The following RAD51B variants were observed in gnomAD, a reference collection of about 807,000 sequenced individuals.
RAD51B encodes the protein RAD51 paralog B, also known as DNA repair protein RAD51 homolog 2.
Under a neutral mutation model 42.2 loss-of-function variants are expected in RAD51B, and 38 were observed. The observed-to-expected ratio is 0.90, with a 90% CI of 0.70 to 1.18. RAD51B has a LOEUF of 1.18. Ranked by LOEUF, RAD51B falls within the 50% of genes most tolerant of loss-of-function variation. RAD51B has a pLI of 0.00. For missense variants in RAD51B, 373 were observed against 400.7 expected (o/e 0.93, Z 0.59); for synonymous variants, 154 against 145.2 (o/e 1.06, Z -0.43).
At chr14:68,008,943 C>T (rs555600866) in intron 7 of RAD51B, among the ~76,000 whole-genome samples, 14 of 151,928 alleles carry the variant, frequency 9.2e-5, no homozygotes, top group African/African-American at 1.4e-4. Context: ...CGTAGAGATA[C>T]GCAGCAGGCC....
At chr14:67,947,382 G>A (rs1318890696) in intron 7 of RAD51B, among the ~76,000 whole-genome samples, 1 of 152,120 alleles carries the variant, frequency 6.6e-6, no homozygotes, top group African/African-American at 2.4e-5. Context: ...TTTGATGTGA[G>A]AAAAATATAA....
intron 10 of RAD51B, among the ~76,000 whole-genome samples, chr14:68,521,335 AG>A (rs1886563914): frequency 6.6e-6 from 1 of 152,208 alleles, no homozygotes; most frequent in Admixed American, 6.5e-5. Context: ...TGAGCCAGGC[AG>A]GCTGTCTGCA....
intron 10 of RAD51B, among the ~76,000 whole-genome samples, chr14:68,556,113 C>T (rs1293265304): frequency 6.6e-6 from 1 of 152,180 alleles, no homozygotes; most frequent in Non-Finnish European, 1.5e-5. Context: ...TCTTCTAATA[C>T]CTCAGCTGCT....
At chr14:68,592,475 T>A (rs1890797163) in intron 10 of RAD51B, among the ~76,000 whole-genome samples, 1 of 152,166 alleles carries the variant, frequency 6.6e-6, no homozygotes, top group African/African-American at 2.4e-5. Context: ...ATTCTCAAAA[T>A]CTCTGTGAGG....
chr14:68,303,125 G>A (rs2081780635), intron 8 of RAD51B, among the ~76,000 whole-genome samples: 1 of 152,160 alleles, frequency 6.6e-6, no homozygotes, highest in African/African-American at 2.4e-5. Flanking sequence ...TACACACTGT[G>A]GAATACCATG....
chr14:68,459,255 A>G (rs1218263295), intron 9 of RAD51B, among the ~76,000 whole-genome samples: 1 of 152,232 alleles, frequency 6.6e-6, no homozygotes, highest in East Asian at 1.9e-4. Flanking sequence ...TGGGGTTATC[A>G]AAAGCCTGTT....
At chr14:67,997,667 A>T (rs1484305932) in intron 7 of RAD51B, among the ~76,000 whole-genome samples, 1 of 152,176 alleles carries the variant, frequency 6.6e-6, no homozygotes, top group East Asian at 1.9e-4. Flanking sequence ...CAAATATGGT[A>T]AATTTTTGGC....
At chr14:68,143,154 G>A (rs1164942415) in intron 7 of RAD51B, among the ~76,000 whole-genome samples, 1 of 152,160 alleles carries the variant, frequency 6.6e-6, no homozygotes, top group Non-Finnish European at 1.5e-5. Context: ...AAGTTTTGGT[G>A]TGTTTTTAGC....
At chr14:68,150,446 C>T (rs764803612) in intron 7 of RAD51B, among the ~76,000 whole-genome samples, 4 of 146,658 alleles carry the variant, frequency 2.7e-5, no homozygotes, top group Non-Finnish European at 4.5e-5. Context: ...TATCCATGAA[C>T]ATAGAATATT....
intron 7 of RAD51B, among the ~76,000 whole-genome samples, chr14:68,187,107 C>T (rs918154796): frequency 3.3e-5 from 5 of 151,922 alleles, no homozygotes; most frequent in South Asian, 2.1e-4. Flanking sequence ...GGCAGGAACA[C>T]GAAACCAAAT....
intron 7 of RAD51B, among the ~76,000 whole-genome samples, chr14:68,110,591 A>C (rs1005986630): frequency 2.0e-5 from 3 of 152,098 alleles, no homozygotes; most frequent in African/African-American, 7.2e-5. Flanking sequence ...CTTATTGAAC[A>C]TAAGAACTGT....
Position 68,293,666 on chromosome 14 carries a change from C to T in RAD51B, c.853+1686C>T, listed in dbSNP as rs370381872. 7.0e-4 allele frequency among the ~76,000 whole-genome samples: 106 copies of T among 152,304 alleles called. 1 individual carries two copies. Among genetic ancestry groups the T allele is most frequent in the African/African-American group, 2.5e-3 (103 of 41,560 alleles). ...GCTTCTCGTCCCACATCCACTCCTT[C>T]GAGGCTTATTTAAAGACTGCCTCTT... is the stretch of plus-strand genomic sequence containing the variant. On this transcript the variant is annotated intron_variant, in intron 8 of 10. Transcript: ENST00000471583.
rs76432776 is a variant in RAD51B, at chr14:68,555,495, G to A, written c.1037-38990G>A. On this transcript the variant is annotated intron_variant, in intron 10 of 10. Transcript: ENST00000487270. ...ATTCCACCCAGCTATGAATCAGGGT[G>A]GGCAGAAACTGGAAACAGGCATGTG... is the stretch of plus-strand genomic sequence containing the variant. 6.5e-3 allele frequency among the ~76,000 whole-genome samples: 992 copies of A among 152,166 alleles called. 6 individuals are homozygous for A. Among genetic ancestry groups the A allele is most frequent in the Non-Finnish European group, 0.01 (683 of 67,990 alleles).
intron 7 of RAD51B, among the ~76,000 whole-genome samples, chr14:67,949,983 T>C (rs796195552): frequency 1.7e-4 from 26 of 152,274 alleles, no homozygotes; most frequent in African/African-American, 6.0e-4. Context: ...TAAACAGATG[T>C]CCTGTCATCC....
At chr14:68,286,570 T>G (rs2208397) in intron 7 of RAD51B, among the ~76,000 whole-genome samples, 104,409 of 152,012 alleles carry the variant, frequency 0.69, 36,539 homozygotes, top group East Asian at 0.99. Flanking sequence ...AGGTCTCCAG[T>G]GCTATCCAAT....
At chr14:68,315,950 T>C (rs1209850114) in intron 8 of RAD51B, among the ~76,000 whole-genome samples, 1 of 152,230 alleles carries the variant, frequency 6.6e-6, no homozygotes, top group Non-Finnish European at 1.5e-5. Context: ...ACAACAGCAT[T>C]GCTCTTTTCG....
chr14:68,355,625 A>G (rs2082884091), intron 8 of RAD51B, among the ~76,000 whole-genome samples: 2 of 152,170 alleles, frequency 1.3e-5, no homozygotes, highest in South Asian at 4.1e-4. Flanking sequence ...TTTTTCTACC[A>G]AAGTGAAAAT....
At chr14:67,835,432 G>A (rs1331823754) in intron 4 of RAD51B, among the ~76,000 whole-genome samples, 1 of 151,980 alleles carries the variant, frequency 6.6e-6, no homozygotes, top group East Asian at 1.9e-4. Context: ...GTTTCATTGA[G>A]TTAACTTAGA....
intron 7 of RAD51B, among the ~76,000 whole-genome samples, chr14:67,897,711 G>A (rs1243497798): frequency 4.0e-5 from 6 of 151,054 alleles, no homozygotes; most frequent in Non-Finnish European, 5.9e-5. Flanking sequence ...GTGCAATGGC[G>A]CCATCTCAGC....
Sources: allele counts gnomAD v4.1 joint callset (sites outside exome capture counted in the v4.1 genomes callset), GRCh38; gene constraint gnomAD v4.1.1; transcripts MANE v1.5; gene names NCBI Gene and HGNC (gene_info 2026-07-23, HGNC 2026-07-21).